Variants in GALNTL6 observed in about 807,000 individuals in gnomAD.
GALNTL6 encodes polypeptide N-acetylgalactosaminyltransferase-like 6.
GALNTL6 carries 46 observed loss-of-function variants against 73.7 expected under a neutral mutation model. The ratio of observed to expected loss-of-function variants is 0.62; its 90% CI spans 0.49 to 0.80. GALNTL6 has a LOEUF of 0.80. Among genes scored for constraint, GALNTL6 ranks in the 30% least tolerant of loss-of-function variants. The pLI is 0.00. For synonymous variants in GALNTL6, 259 were observed against 263.7 expected (o/e 0.98, Z 0.17); for missense variants, 604 against 755.0 (o/e 0.80, Z 2.34).
chr4:173,039,611 T>C (rs9992194), intron 12 of GALNTL6, among the ~76,000 whole-genome samples: 104,367 of 151,968 alleles, frequency 0.69, 36,690 homozygotes, highest in East Asian at 0.95. Flanking sequence ...TTTTCAAAAT[T>C]TAAGCAGATA....
chr4:172,087,620 T>C (rs1285229969), intron 2 of GALNTL6, among the ~76,000 whole-genome samples: 2 of 151,964 alleles, frequency 1.3e-5, no homozygotes, highest in African/African-American at 4.8e-5. Flanking sequence ...AATAAGTAAA[T>C]ATATATCATT....
In GALNTL6 at chr4:172,740,351, T is replaced by C. The variant is rs532757565; in HGVS notation, c.554-69010T>C. On this transcript the variant is annotated intron_variant, in intron 5 of 12. Transcript: ENST00000506823. ...AGCCTAAGAGGATGCTGGAAATGTT[T>C]TATTTCTTGGCTTGGGTTTGCAGCA... 2.6e-5 allele frequency among the ~76,000 whole-genome samples: 4 copies of C among 152,284 alleles called. No homozygotes were observed. In the East Asian group the frequency reaches 7.7e-4, roughly 29 times the overall value.
chr4:172,313,475 A>G lies in GALNTL6; in HGVS notation c.386+1723A>G, dbSNP rs375420919. 3.3e-5 allele frequency among the ~76,000 whole-genome samples: 5 copies of G among 152,310 alleles called. No individual in the cohort carries two copies. The East Asian group carries it at 9.7e-4, about 30-fold the overall frequency. On this transcript the variant is annotated intron_variant, in intron 4 of 12. Transcript: ENST00000506823. ...CTTAATGTGTATTCAAGTGGAAATA[A>G]TGACAAGTTTAGAAACAGTGCAGAA...
chr4:172,133,880 C>G lies in GALNTL6; in HGVS notation c.139-95776C>G, dbSNP rs565767266. Among the ~76,000 whole-genome samples, 35 of 152,298 alleles carry G rather than the reference C, an allele frequency of 2.3e-4. No homozygotes were observed. In the South Asian group the frequency reaches 7.0e-3, roughly 31 times the overall value. On this transcript the variant is annotated intron_variant, in intron 2 of 12. Coordinates refer to ENST00000506823, the MANE Select transcript of GALNTL6 (RefSeq NM_001034845.3). ...TCTCAAAGATCACATGATAAATTAT[C>G]TGATTCTCTACTAGCAGATGCAGAT... is the stretch of plus-strand genomic sequence containing the variant.
chr4:171,934,289 A>G (rs1374710405), intron 2 of GALNTL6, among the ~76,000 whole-genome samples: 1 of 152,210 alleles, frequency 6.6e-6, no homozygotes, highest in African/African-American at 2.4e-5. Context: ...TACTAAAATA[A>G]TCTAGAGCAG....
intron 3 of GALNTL6, among the ~76,000 whole-genome samples, chr4:172,281,197 T>G (rs1211005536): frequency 3.3e-5 from 5 of 151,964 alleles, no homozygotes; most frequent in Middle Eastern, 3.4e-3. Flanking sequence ...CAATGCAAAT[T>G]CATTACCTTA....
intron 5 of GALNTL6, among the ~76,000 whole-genome samples, chr4:172,775,636 A>G (rs1739030714): frequency 6.6e-6 from 1 of 152,180 alleles, no homozygotes; most frequent in Non-Finnish European, 1.5e-5. Context: ...GATAAACCAT[A>G]GGATGACTCC....
intron 2 of GALNTL6, among the ~76,000 whole-genome samples, chr4:172,016,379 G>A (rs1741193474): frequency 6.6e-6 from 1 of 151,808 alleles, no homozygotes; most frequent in Admixed American, 6.6e-5. Context: ...ACTGCATTTT[G>A]TATTTCCCTA....
intron 2 of GALNTL6, among the ~76,000 whole-genome samples, chr4:172,004,104 T>G (rs923987438): frequency 6.6e-6 from 1 of 152,296 alleles, no homozygotes; most frequent in African/African-American, 2.4e-5. Flanking sequence ...AGTGGACAAC[T>G]TTCAAGCTCT....
intron 5 of GALNTL6, among the ~76,000 whole-genome samples, chr4:172,778,145 A>T (rs1011453961): frequency 2.0e-5 from 3 of 152,244 alleles, no homozygotes; most frequent in Non-Finnish European, 4.4e-5. Context: ...TATTCATTTT[A>T]TTGCATTTTG....
intron 5 of GALNTL6, among the ~76,000 whole-genome samples, chr4:172,383,751 A>G (rs1743367597): frequency 6.6e-6 from 1 of 152,056 alleles, no homozygotes; most frequent in African/African-American, 2.4e-5. Flanking sequence ...GTTCCCTTCT[A>G]TTTGGTAGAT....
intron 5 of GALNTL6, among the ~76,000 whole-genome samples, chr4:172,377,837 G>A (rs1470244416): frequency 6.6e-6 from 1 of 152,124 alleles, no homozygotes; most frequent in Non-Finnish European, 1.5e-5. Context: ...TGAGTGCGGG[G>A]CCTGCTGAGC....
chr4:172,373,066 G>T (rs1026583868), intron 5 of GALNTL6, among the ~76,000 whole-genome samples: 1 of 152,198 alleles, frequency 6.6e-6, no homozygotes, highest in East Asian at 1.9e-4. Flanking sequence ...CGAACTGGTA[G>T]CCAAGAGCAA....
chr4:172,561,259 CAAAAAAAAAA>C (rs59249298), intron 5 of GALNTL6, among the ~76,000 whole-genome samples: 2 of 60,130 alleles, frequency 3.3e-5, no homozygotes, highest in African/African-American at 1.9e-4. Flanking sequence ...GACTCCGTCT[CAAAAAAAAAA>C]AAAAAAAAAA....
intron 7 of GALNTL6, among the ~76,000 whole-genome samples, chr4:172,815,082 G>A (rs1741524981): frequency 6.6e-6 from 1 of 152,156 alleles, no homozygotes; most frequent in Non-Finnish European, 1.5e-5. Flanking sequence ...GAGCTTAGCT[G>A]AGAGATGTTC....
chr4:172,698,098 CAGA>C (rs1733799808), intron 5 of GALNTL6, among the ~76,000 whole-genome samples: 1 of 152,094 alleles, frequency 6.6e-6, no homozygotes. Flanking sequence ...GGGCCTATGA[CAGA>C]AGAAGTGCCT....
chr4:172,874,804 T>G (rs1295122336), intron 7 of GALNTL6, among the ~76,000 whole-genome samples: 1 of 152,134 alleles, frequency 6.6e-6, no homozygotes, highest in Non-Finnish European at 1.5e-5. Flanking sequence ...GCAAGGTGAA[T>G]TTCAAAAGAG....
chr4:173,022,933 A>G (rs1164642269), intron 12 of GALNTL6, among the ~76,000 whole-genome samples: 1 of 152,246 alleles, frequency 6.6e-6, no homozygotes, highest in Non-Finnish European at 1.5e-5. Flanking sequence ...GCTGTCAATT[A>G]GCAATTACTC....
At chr4:171,883,400 A>G (rs995914182) in intron 2 of GALNTL6, among the ~76,000 whole-genome samples, 2 of 152,134 alleles carry the variant, frequency 1.3e-5, no homozygotes, top group African/African-American at 4.8e-5. Flanking sequence ...ACTTTTGGAC[A>G]GGGAACATGT....
Sources: gnomAD v4.1 joint callset for allele counts (sites outside exome capture counted in the v4.1 genomes callset) on GRCh38, gnomAD v4.1.1 for gene constraint, MANE v1.5 for transcripts, NCBI Gene and HGNC (gene_info 2026-07-23, HGNC 2026-07-21) for gene names.